Variants in SNX29 observed in about 807,000 individuals in gnomAD.
The protein encoded by SNX29 is sorting nexin-29.
SNX29 carries 78 observed loss-of-function variants against 102.1 expected under a neutral mutation model. The observed-to-expected ratio is 0.76, with a 90% CI of 0.64 to 0.92. The LOEUF is 0.92. SNX29 is among the 40% of genes least tolerant of loss of function. The pLI, the probability that SNX29 is intolerant of heterozygous loss-of-function variation, is 0.00. For synonymous variants in SNX29, 580 were observed against 414.5 expected (o/e 1.40, Z -4.85); for missense variants, 1,280 against 1,061.7 (o/e 1.21, Z -2.86).
chr16:12,548,729 G>A (rs1435683425), intron 20 of SNX29, among the ~76,000 whole-genome samples: 2 of 152,160 alleles, frequency 1.3e-5, no homozygotes, highest in African/African-American at 2.4e-5. Context: ...GGTACATCCA[G>A]GGCTCCAAGG....
intron 15 of SNX29, among the ~76,000 whole-genome samples, chr16:12,312,287 C>T (rs1208793612): frequency 2.0e-5 from 3 of 152,322 alleles, no homozygotes; most frequent in South Asian, 2.1e-4. Context: ...GCTGCGCTGT[C>T]GTTTAGTCAG....
intron 18 of SNX29, among the ~76,000 whole-genome samples, chr16:12,426,841 T>G (rs543759217): frequency 6.6e-6 from 1 of 152,204 alleles, no homozygotes; most frequent in East Asian, 1.9e-4. Context: ...AATTTTTGTA[T>G]TTTTAGTAGA....
intron 6 of SNX29, 43 bp from the exon 7 acceptor site, chr16:12,048,329 G>A: frequency 6.2e-7 from 1 of 1,613,384 alleles, no homozygotes; most frequent in Non-Finnish European, 8.5e-7. Context: ...TGGTATGACT[G>A]CCCATCAGCA....
chr16:12,013,503 AT>A lies in SNX29; in HGVS notation c.122+10461del, dbSNP rs1567525914. ...TCTACTGGGGGAAAAAAAAAAAAAT[AT>A]ATATATATATATATATATATATATA... On this transcript the variant is annotated intron_variant, in intron 3 of 20. Transcript: ENST00000566228. Among the ~76,000 whole-genome samples the A allele has an allele frequency of 5.6e-3, 314 of 56,546 alleles. 8 individuals are homozygous for A. The highest frequency in any genetic ancestry group is 0.02 in the African/African-American group (202 of 9,864). 37.1% of individuals were successfully genotyped at this position (56,546 alleles called of 152,430 possible).
chr16:12,548,879 A>G (rs530138823), intron 20 of SNX29, among the ~76,000 whole-genome samples: 1 of 152,122 alleles, frequency 6.6e-6, no homozygotes, highest in Non-Finnish European at 1.5e-5. Context: ...CTTGGCCTGA[A>G]CCCTACACAT....
chr16:12,080,616 G>C (rs1249824756), intron 11 of SNX29, among the ~76,000 whole-genome samples: 1 of 152,090 alleles, frequency 6.6e-6, no homozygotes, highest in East Asian at 1.9e-4. Context: ...CTAGGATCAA[G>C]CGATCCACCC....
At chr16:12,100,689 G>T (rs1006677540) in intron 11 of SNX29, among the ~76,000 whole-genome samples, 2 of 150,582 alleles carry the variant, frequency 1.3e-5, no homozygotes, top group Non-Finnish European at 3.0e-5. Context: ...GGGTGGGGGT[G>T]CTGGGTGTGG....
rs1414220598 is a variant in SNX29, at chr16:12,443,413, C to CA, written c.2038-34305dup. The CA allele has an allele frequency of 1.9e-5, 3 of 158,450 alleles. No individual in the cohort carries two copies. In the East Asian group the frequency reaches 5.6e-4, roughly 29 times the overall value. 9.8% of individuals were successfully genotyped at this position (158,450 alleles called of 1,614,324 possible). A position where few individuals can be genotyped will look rare whatever the true frequency, so the allele number is the denominator to read the frequency against. ...TTCTTCTGGAAAAACACACAATCCT[C>CA]ACTGCACCCCAAAACATCAGCTCTA... On this transcript the variant is annotated intron_variant, in intron 18 of 20. Transcript: ENST00000566228.
At chr16:12,073,780 T>C (rs1212619256) in intron 10 of SNX29, among the ~76,000 whole-genome samples, 1 of 152,054 alleles carries the variant, frequency 6.6e-6, no homozygotes, top group Non-Finnish European at 1.5e-5. Flanking sequence ...TTAAAGTCTC[T>C]CATTATTATT....
intron 1 of SNX29, among the ~76,000 whole-genome samples, chr16:11,981,410 C>G (rs964152896): frequency 1.3e-5 from 2 of 152,030 alleles, no homozygotes; most frequent in African/African-American, 4.8e-5. Flanking sequence ...GGGCTCTTTT[C>G]ACTTTCTTGG....
chr16:12,232,845 C>T (rs1489765395), intron 14 of SNX29, among the ~76,000 whole-genome samples: 2 of 152,192 alleles, frequency 1.3e-5, no homozygotes, highest in South Asian at 2.1e-4. Context: ...TATGGAGACA[C>T]CTCTGTACTC....
intron 13 of SNX29, among the ~76,000 whole-genome samples, chr16:12,180,022 CTT>C (rs2076347152): frequency 1.3e-5 from 2 of 152,116 alleles, no homozygotes; most frequent in Non-Finnish European, 2.9e-5. Context: ...CTTCGGGTCT[CTT>C]TATTCCAACA....
intron 16 of SNX29, among the ~76,000 whole-genome samples, chr16:12,381,361 CACCCACCG>C (rs2083140244): frequency 3.5e-5 from 3 of 86,112 alleles, no homozygotes; most frequent in Non-Finnish European, 5.4e-5. Flanking sequence ...TCCAGCCACC[CACCCACCG>C]ACCCATCATC....
chr16:12,222,880 GT>G (rs1208971359), intron 14 of SNX29, among the ~76,000 whole-genome samples: 4 of 152,106 alleles, frequency 2.6e-5, no homozygotes, highest in African/African-American at 9.7e-5. Context: ...GCAGAGTGCT[GT>G]TTTCATTTGG....
Position 12,513,326 on chromosome 16 carries a change from C to G in SNX29, c.2179-11376C>G, listed in dbSNP as rs1254844639. ...CCTCCTCTCCCCTTCTCTCCCTTCCCCTGCCTGCCCTGCCCTGCCCTGCTC... is the reference window on the plus strand; with the variant it reads ...CCTCCTCTCCCCTTCTCTCCCTTCCGCTGCCTGCCCTGCCCTGCCCTGCTC... On this transcript the variant is annotated intron_variant, in intron 19 of 20. Transcript: ENST00000566228. 6.3e-5 allele frequency among the ~76,000 whole-genome samples: 9 copies of G among 143,920 alleles called. 1 individual carries two copies. The highest frequency in any genetic ancestry group is 6.2e-4 in the Admixed American group (9 of 14,610). 94.4% of individuals were successfully genotyped at this position (143,920 alleles called of 152,430 possible).
chr16:12,016,392 C>T (rs2056850693), intron 3 of SNX29, among the ~76,000 whole-genome samples: 1 of 152,158 alleles, frequency 6.6e-6, no homozygotes, highest in South Asian at 2.1e-4. Context: ...GCTTTCGAAA[C>T]ATTTCTACCA....
chr16:12,525,824 G>A (rs1337185877), intron 20 of SNX29, among the ~76,000 whole-genome samples: 1 of 151,928 alleles, frequency 6.6e-6, no homozygotes, highest in Non-Finnish European at 1.5e-5. Flanking sequence ...CTTTTCGCCT[G>A]CCACATGCCA....
chr16:12,499,008 G>A (rs1248721701), intron 19 of SNX29, among the ~76,000 whole-genome samples: 2 of 152,144 alleles, frequency 1.3e-5, no homozygotes, highest in Non-Finnish European at 2.9e-5. Context: ...TCTTTTTAGG[G>A]AGCTGGAAAA....
intron 9 of SNX29, among the ~76,000 whole-genome samples, chr16:12,063,501 A>T (rs1419026297): frequency 6.7e-6 from 1 of 149,304 alleles, no homozygotes; most frequent in East Asian, 2.0e-4. Flanking sequence ...CAGCTTCCAG[A>T]TTAGCTGGGA....
Sources: allele counts gnomAD v4.1 joint callset (sites outside exome capture counted in the v4.1 genomes callset), GRCh38; gene constraint gnomAD v4.1.1; transcripts MANE v1.5; gene names NCBI Gene and HGNC (gene_info 2026-07-23, HGNC 2026-07-21).